GON4L: variants seen among roughly 807,000 people sequenced by gnomAD.
GON4L encodes the protein GON-4-like protein.
A neutral mutation model predicts 211.8 loss-of-function variants in GON4L; 87 were observed. That is an observed-to-expected ratio of 0.41 (90% CI 0.35 to 0.49). The LOEUF (loss-of-function observed/expected upper bound fraction) is 0.49, where lower values mean the gene tolerates loss of function less well. Ranked by LOEUF, GON4L falls within the 20% of genes least tolerant of loss-of-function variation. GON4L has a pLI of 0.15. For missense variants in GON4L, 2,155 were observed against 2,659.5 expected, an observed-to-expected ratio of 0.81 and a Z score of 4.17; for synonymous variants, 875 against 962.6, an observed-to-expected ratio of 0.91 and a Z score of 1.68.
chr1:155,820,073 C>G (rs1256880409), intron 6 of GON4L, among the ~76,000 whole-genome samples: 1 of 152,114 alleles, frequency 6.6e-6, no homozygotes, highest in Non-Finnish European at 1.5e-5. Flanking sequence ...ACCACCACAC[C>G]CAGCTAATTT....
chr1:155,804,921 A>C, intron 11 of GON4L, 28 bp downstream of exon 11: 4 of 1,533,856 alleles, frequency 2.6e-6, no homozygotes, highest in Non-Finnish European at 3.6e-6. Context: ...TGGACAGTAT[A>C]CATAATAAAT....
chr1:155,748,288 G>C, downstream of GON4L: 1 of 1,263,722 alleles, frequency 7.9e-7, no homozygotes, highest in Non-Finnish European at 1.1e-6. Flanking sequence ...TCCAGCCTGG[G>C]GTCAAACATA....
At chr1:155,851,703 G>A (rs187673386) in intron 2 of GON4L, among the ~76,000 whole-genome samples, 15 of 151,276 alleles carry the variant, frequency 9.9e-5, no homozygotes, top group East Asian at 3.9e-4. Context: ...GCGACAAAGC[G>A]AGACTCCGTA....
At chr1:155,804,810 C>A in intron 11 of GON4L, 139 bp downstream of exon 11, 3 of 709,576 alleles carry the variant, frequency 4.2e-6, no homozygotes, top group Non-Finnish European at 7.5e-6. Flanking sequence ...AAATTAACTA[C>A]TGATTTAAGA....
intron 2 of GON4L, among the ~76,000 whole-genome samples, chr1:155,852,115 A>C (rs1035322106): frequency 2.7e-5 from 4 of 149,264 alleles, no homozygotes; most frequent in Non-Finnish European, 5.9e-5. Context: ...CAGTGAGCCA[A>C]GATCACACCA....
rs770418084 is a variant in GON4L at position 155,765,548 on chromosome 1, T to C, written c.3925A>G (p.Ile1309Val). ...RQALEPLPQGIQESLNNPTPG... is the reference protein window; with the variant it reads ...RQALEPLPQGVQESLNNPTPG... Reference sequence around the variant, plus strand: ...GTAGGGTTGTTTAGAGACTCCTGGATGCCCTGAGGGAGCGGCTCCAGAGCT... The same window carrying C: ...GTAGGGTTGTTTAGAGACTCCTGGACGCCCTGAGGGAGCGGCTCCAGAGCT... Residue 1309 changes from isoleucine (I) to valine (V), a missense_variant, in exon 21 of 32, where the codon ATC becomes GTC. Transcript: ENST00000368331. 1 of 1,614,198 alleles carries C rather than the reference T, an allele frequency of 6.2e-7. No homozygotes were observed. The highest frequency in any genetic ancestry group is 8.5e-7 in the Non-Finnish European group (1 of 1,180,034).
chr1:155,804,491 T>C (rs1228965501), intron 11 of GON4L, among the ~76,000 whole-genome samples: 2 of 150,204 alleles, frequency 1.3e-5, no homozygotes, highest in African/African-American at 2.4e-5. Context: ...GAAAAAGAAA[T>C]GTTAAGAATT....
At chr1:155,832,630 C>T (rs1669907194) in intron 2 of GON4L, among the ~76,000 whole-genome samples, 1 of 152,172 alleles carries the variant, frequency 6.6e-6, no homozygotes, top group African/African-American at 2.4e-5. Flanking sequence ...CAGAGCGAGA[C>T]TCTGTCTCAA....
At chr1:155,827,117 G>A in intron 2 of GON4L, 89 bp from the exon 3 acceptor site, 3 of 963,238 alleles carry the variant, frequency 3.1e-6, no homozygotes, top group South Asian at 1.3e-5. Flanking sequence ...AGTGTTTTTA[G>A]GTAGACAACT....
chr1:155,804,837 T>C, intron 11 of GON4L, 112 bp downstream of exon 11: 1 of 807,866 alleles, frequency 1.2e-6, no homozygotes, highest in East Asian at 2.5e-5. Flanking sequence ...ATCAGTTAAA[T>C]ACAAATTAAA....
At chr1:155,792,769 C>G (rs1164459314) in intron 12 of GON4L, among the ~76,000 whole-genome samples, 1 of 151,950 alleles carries the variant, frequency 6.6e-6, no homozygotes, top group African/African-American at 2.4e-5. Flanking sequence ...TTGAAAGACT[C>G]TTTTTTTGAA....
intron 19 of GON4L, among the ~76,000 whole-genome samples, chr1:155,770,597 C>T (rs989922741): frequency 1.3e-5 from 2 of 152,126 alleles, no homozygotes; most frequent in African/African-American, 4.8e-5. Flanking sequence ...GCCTGTAATC[C>T]CAGCACCTTG....
chr1:155,781,797 C>T (rs1664455894), intron 14 of GON4L, among the ~76,000 whole-genome samples: 1 of 151,876 alleles, frequency 6.6e-6, no homozygotes, highest in African/African-American at 2.4e-5. Flanking sequence ...CACTCTGTTG[C>T]CCAGGCTGGA....
At chr1:155,811,754 CAAA>C (rs145360103) in intron 10 of GON4L, among the ~76,000 whole-genome samples, 6 of 33,052 alleles carry the variant, frequency 1.8e-4, no homozygotes, top group South Asian at 2.7e-3. Context: ...GACTCTGTCT[CAAA>C]AAAAAAAAAA....
chr1:155,847,654 A>T (rs1410764732), intron 2 of GON4L, among the ~76,000 whole-genome samples: 1 of 152,052 alleles, frequency 6.6e-6, no homozygotes, highest in East Asian at 1.9e-4. Flanking sequence ...GTGAACTGAG[A>T]TGGCGCCACT....
At position 155,808,227 on chromosome 1, in the gene GON4L, T is replaced by C. The variant is rs1369000474; in HGVS notation, c.1453-3086A>G. Reference sequence around the variant, plus strand: ...CATTTTTTGTATTTTTTGTTAGAGATGGGGTTTTACCATGTTGGCCAGGCT... The same window carrying C: ...CATTTTTTGTATTTTTTGTTAGAGACGGGGTTTTACCATGTTGGCCAGGCT... On this transcript the variant is annotated intron_variant, in intron 10 of 31. Coordinates refer to ENST00000368331, the MANE Select transcript of GON4L (RefSeq NM_001282860.2). 4.6e-5 allele frequency among the ~76,000 whole-genome samples: 7 copies of C among 151,946 alleles called. No individual in the cohort carries two copies. In the East Asian group the frequency reaches 1.2e-3, roughly 25 times the overall value.
intron 6 of GON4L, among the ~76,000 whole-genome samples, chr1:155,817,078 T>C (rs564185265): frequency 6.6e-6 from 1 of 152,174 alleles, no homozygotes; most frequent in East Asian, 1.9e-4. Flanking sequence ...CAGCCTCAAA[T>C]TCCTGAGCTC....
At chr1:155,833,631 G>A (rs1669999379) in intron 2 of GON4L, among the ~76,000 whole-genome samples, 1 of 90,826 alleles carries the variant, frequency 1.1e-5, no homozygotes, top group Non-Finnish European at 1.9e-5. Flanking sequence ...GGTCAACAAA[G>A]CGAGACTCTG....
intron 12 of GON4L, among the ~76,000 whole-genome samples, chr1:155,792,865 T>C (rs180710991): frequency 1.2e-3 from 186 of 152,228 alleles, no homozygotes; most frequent in African/African-American, 4.4e-3. Flanking sequence ...CAAGTGATCC[T>C]CCCACCTCAG....
Sources: gnomAD v4.1 joint callset for allele counts (sites outside exome capture counted in the v4.1 genomes callset) on GRCh38, gnomAD v4.1.1 for gene constraint, MANE v1.5 for transcripts, NCBI Gene and HGNC (gene_info 2026-07-23, HGNC 2026-07-21) for gene names.